The following GABRA3 variants were observed in gnomAD, a reference collection of about 807,000 sequenced individuals.
GABRA3 encodes the protein gamma-aminobutyric acid type A receptor subunit alpha3, also known as gamma-aminobutyric acid receptor subunit alpha-3.
A neutral mutation model predicts 30.1 loss-of-function variants in GABRA3; 10 were observed. The observed-to-expected ratio is 0.33, with a 90% CI of 0.20 to 0.56. The LOEUF is 0.56. Ranked by LOEUF, GABRA3 falls within the 20% of genes least tolerant of loss-of-function variation. GABRA3 has a pLI of 0.89. For synonymous variants in GABRA3, 151 were observed against 146.8 expected (o/e 1.03, Z -0.21); for missense variants, 233 against 392.0 (o/e 0.59, Z 3.42).
intron 3 of GABRA3, among the ~76,000 whole-genome samples, chrX:152,335,311 CAA>C (rs1940217941): frequency 9.0e-6 from 1 of 111,674 alleles, no homozygotes; most frequent in Non-Finnish European, 1.9e-5. Context: ...AGATTTTGCC[CAA>C]GAGAGAAGCA....
intron 3 of GABRA3, among the ~76,000 whole-genome samples, chrX:152,287,176 A>C (rs1409364330): frequency 8.9e-6 from 1 of 112,410 alleles, no homozygotes; most frequent in African/African-American, 3.2e-5. Flanking sequence ...ATACAGAATA[A>C]CTTTCTAAAT....
At chrX:152,229,451 C>A (rs1478429719) in intron 5 of GABRA3, among the ~76,000 whole-genome samples, 22 of 110,625 alleles carry the variant, frequency 2.0e-4, no homozygotes, top group Non-Finnish European at 2.6e-4. Flanking sequence ...GAAGGGGTTG[C>A]AACTTTTAAT....
chrX:152,319,166 A>T lies in GABRA3; in HGVS notation c.262+26415T>A, dbSNP rs540864297. 9.8e-5 allele frequency among the ~76,000 whole-genome samples: 11 copies of T among 112,131 alleles called. 1 individual carries two copies. In the South Asian group the frequency reaches 1.5e-3, roughly 15 times the overall value. On this transcript the variant is annotated intron_variant, in intron 3 of 9. Transcript: ENST00000370314. ...GACCATATTGCCAAAACCAATCAAC[A>T]AATGTAATGCAATTCCCATCAATGT...
At chrX:152,366,438 T>C (rs1480447007) in intron 1 of GABRA3, among the ~76,000 whole-genome samples, 1 of 111,874 alleles carries the variant, frequency 8.9e-6, no homozygotes, top group Admixed American at 9.5e-5. Flanking sequence ...AAGAGATCCA[T>C]AGTGTGTGTT....
chrX:152,203,562 T>C (rs1041756515), intron 7 of GABRA3, among the ~76,000 whole-genome samples: 1 of 111,947 alleles, frequency 8.9e-6, no homozygotes, highest in African/African-American at 3.3e-5. Context: ...TATACTCTTA[T>C]ACTTCCGAAG....
chrX:152,311,869 TACAAAATCAATGTAC>T (rs1209939357), intron 3 of GABRA3, among the ~76,000 whole-genome samples: 1 of 110,205 alleles, frequency 9.1e-6, no homozygotes, highest in East Asian at 2.8e-4. Flanking sequence ...AGTTTTAGGA[TACAAAATCAATGTAC>T]AAATTTCAGT....
intron 1 of GABRA3, among the ~76,000 whole-genome samples, chrX:152,386,756 A>G (rs186305915): frequency 1.3e-3 from 139 of 111,061 alleles, no homozygotes; most frequent in Non-Finnish European, 4.5e-4. Context: ...TCAGGGATCT[A>G]GAACCAGAAA....
chrX:152,258,915 TC>T (rs1056199641), intron 4 of GABRA3, among the ~76,000 whole-genome samples: 3 of 111,713 alleles, frequency 2.7e-5, no homozygotes, highest in Non-Finnish European at 5.6e-5. Flanking sequence ...GAATTAAAAA[TC>T]AGGAGAGCAC....
intron 6 of GABRA3, among the ~76,000 whole-genome samples, chrX:152,221,948 C>T (rs1021825381): frequency 3.6e-5 from 4 of 111,757 alleles, no homozygotes; most frequent in Admixed American, 9.5e-5. Flanking sequence ...TTAGCGCCTG[C>T]TTATAAGTGA....
chrX:152,325,167 T>C (rs1043963871), intron 3 of GABRA3, among the ~76,000 whole-genome samples: 1 of 110,912 alleles, frequency 9.0e-6, no homozygotes, highest in Non-Finnish European at 1.9e-5. Context: ...AAGTGAGAAG[T>C]GATTAGGTGT....
At chrX:152,355,857 A>G (rs1220218132) in intron 2 of GABRA3, among the ~76,000 whole-genome samples, 2 of 111,773 alleles carry the variant, frequency 1.8e-5, no homozygotes, top group Non-Finnish European at 3.8e-5. Flanking sequence ...AGGAACCAGG[A>G]GTATAGGAAA....
chrX:152,249,201 T>C (rs1006043793), intron 5 of GABRA3, among the ~76,000 whole-genome samples: 3 of 111,069 alleles, frequency 2.7e-5, no homozygotes, highest in African/African-American at 9.8e-5. Context: ...ATACTTCCAT[T>C]ATCCTAGGCA....
chrX:152,200,236 C>G (rs1426336325), intron 7 of GABRA3, among the ~76,000 whole-genome samples: 1 of 111,770 alleles, frequency 8.9e-6, no homozygotes, highest in African/African-American at 3.3e-5. Context: ...TTTTTCACCT[C>G]TCTTCCTCCA....
intron 1 of GABRA3, among the ~76,000 whole-genome samples, chrX:152,378,322 T>C (rs1929051036): frequency 1.8e-5 from 2 of 111,681 alleles, no homozygotes. Context: ...GCATATTATA[T>C]AAAAGGTTTA....
chrX:152,282,516 A>T (rs1939216572), intron 4 of GABRA3, among the ~76,000 whole-genome samples: 1 of 112,364 alleles, frequency 8.9e-6, no homozygotes, highest in Admixed American at 9.5e-5. Flanking sequence ...GGCTAAAAAT[A>T]ATGTGAAATT....
chrX:152,304,105 C>T (rs1015237455), intron 3 of GABRA3, among the ~76,000 whole-genome samples: 2 of 111,435 alleles, frequency 1.8e-5, no homozygotes, highest in African/African-American at 6.5e-5. Context: ...TTGTATATCT[C>T]CTTTAGAGAA....
Position 152,189,839 on chromosome X carries a change from C to G in GABRA3, c.1034G>C (p.Cys345Ser), listed in dbSNP as rs200865926. The part of the protein sequence containing the change: ...ATAMDWFIAV[C>S]YAFVFSALIE... Reference sequence around the variant, plus strand: ...CAGTGCAGAAAATACAAAGGCATAACAGACGGCTATGAACCAGTCCATGGC... The same window carrying G: ...CAGTGCAGAAAATACAAAGGCATAAGAGACGGCTATGAACCAGTCCATGGC... Residue 345 changes from cysteine (C) to serine (S), a missense_variant, in exon 9 of 10, where the codon TGT becomes TCT. Coordinates refer to ENST00000370314, the MANE Select transcript of GABRA3 (RefSeq NM_000808.4). The G allele has an allele frequency of 7.4e-6, 9 of 1,208,846 alleles. No individual in the cohort carries two copies. Among genetic ancestry groups the G allele is most frequent in the Non-Finnish European group, 1.0e-5 (9 of 893,334 alleles).
intron 6 of GABRA3, among the ~76,000 whole-genome samples, chrX:152,220,312 A>G (rs1937807859): frequency 8.9e-6 from 1 of 111,998 alleles, no homozygotes; most frequent in African/African-American, 3.2e-5. Context: ...TAGCATAAAT[A>G]GAATCAGATT....
intron 1 of GABRA3, among the ~76,000 whole-genome samples, chrX:152,380,786 AC>A (rs1370983278): frequency 1.9e-4 from 21 of 111,781 alleles, no homozygotes; most frequent in African/African-American, 6.5e-4. Flanking sequence ...AGCCTGCCTT[AC>A]AGGTGTGAGG....
Sources: allele counts gnomAD v4.1 joint callset (sites outside exome capture counted in the v4.1 genomes callset), GRCh38; gene constraint gnomAD v4.1.1; transcripts MANE v1.5; gene names NCBI Gene and HGNC (gene_info 2026-07-23, HGNC 2026-07-21).